The following ANGPTL3 variants were observed in gnomAD, a reference collection of about 807,000 sequenced individuals.
The protein encoded by ANGPTL3 is angiopoietin like 3.
In ANGPTL3, 51 loss-of-function variants were observed where a neutral mutation model predicts 52.7. The ratio of observed to expected loss-of-function variants is 0.97; its 90% CI spans 0.77 to 1.22. ANGPTL3 has a LOEUF of 1.22. ANGPTL3 is among the 50% of genes most tolerant of loss of function. The probability of loss-of-function intolerance (pLI) is 0.00; values close to 1 mark genes in which losing one functional copy is unlikely to be tolerated. For synonymous variants in ANGPTL3, 185 were observed against 179.8 expected (o/e 1.03, Z -0.23); for missense variants, 506 against 520.7 (o/e 0.97, Z 0.27).
In ANGPTL3 at chr1:62,604,856, C is replaced by T; in HGVS notation, c.*39C>T. On this transcript the variant is annotated 3_prime_UTR_variant, in exon 7 of 7. Coordinates refer to ENST00000371129, the MANE Select transcript of ANGPTL3 (RefSeq NM_014495.4). ...TAAAAGGCAATAATTTAAACATTAA[C>T]CTCATTCCAAGTTAATGTGGTCTAA... 2 of 1,570,990 alleles carry T rather than the reference C, an allele frequency of 1.3e-6. No homozygotes were observed. Among genetic ancestry groups the T allele is most frequent in the Non-Finnish European group, 1.7e-6 (2 of 1,152,606 alleles).
At chr1:62,601,263 T>C in intron 3 of ANGPTL3, 67 bp downstream of exon 3, 1 of 1,086,382 alleles carries the variant, frequency 9.2e-7, no homozygotes. Flanking sequence ...TTAGGACTTG[T>C]TCTAGACTAA....
intron 2 of ANGPTL3, 68 bp downstream of exon 2, chr1:62,598,874 T>C: frequency 1.1e-6 from 1 of 949,594 alleles, no homozygotes; most frequent in East Asian, 2.5e-5. Context: ...AATCCTAAAA[T>C]TATTTACAAG....
At position 62,601,043 on chromosome 1, in the gene ANGPTL3, A is replaced by G. The variant is rs780656849; in HGVS notation, c.607-39A>G. On this transcript the variant is annotated intron_variant, in intron 2 of 6. Transcript: ENST00000371129. ...TCAGATTTCCCCTAATTGTATATTC[A>G]GTATCATTTTAAAAAACAGATTTAT... 9 of 1,156,186 alleles carry G rather than the reference A, an allele frequency of 7.8e-6. No homozygotes were observed. In the African/African-American group the frequency reaches 1.1e-4, roughly 14 times the overall value. The allele number at this position is 1,156,186 out of a possible 1,614,324, so 71.6% of individuals were successfully genotyped here.
chr1:62,601,348 T>TA, intron 3 of ANGPTL3, 152 bp downstream of exon 3: 1 of 630,588 alleles, frequency 1.6e-6, no homozygotes, highest in Non-Finnish European at 2.9e-6. Flanking sequence ...TTACACCCTA[T>TA]AAAAGACATA....
intron 5 of ANGPTL3, among the ~76,000 whole-genome samples, chr1:62,602,663 A>G (rs910532359): frequency 2.6e-5 from 4 of 151,706 alleles, no homozygotes; most frequent in African/African-American, 9.7e-5. Context: ...TATTAAAGAC[A>G]ATTTTGATTA....
chr1:62,601,111 A>C lies in ANGPTL3; in HGVS notation c.636A>C (p.Thr212=), dbSNP rs150153780. The change falls in exon 3 of 7, where the codon ACA becomes ACC. Residue 212 remains threonine, a synonymous_variant. Coordinates refer to ENST00000371129, the MANE Select transcript of ANGPTL3 (RefSeq NM_014495.4). ...QLRRTSIQEP[T]EISLSSKPRA... ...GAAGGACTAGTATTCAAGAACCCAC[A>C]GAAATTTCTCTATCTTCCAAGCCAA... 50 of 1,607,832 alleles carry C rather than the reference A, an allele frequency of 3.1e-5. No individual in the cohort carries two copies. Among genetic ancestry groups the C allele is most frequent in the Non-Finnish European group, 4.2e-5 (49 of 1,174,996 alleles).
chr1:62,601,883 G>C lies in ANGPTL3; in HGVS notation c.835+1G>C, dbSNP rs191293319. 8.8e-6 allele frequency: 14 copies of C among 1,590,090 alleles called. No homozygotes were observed. The Admixed American group carries it at 1.5e-4, about 17-fold the overall frequency. Reference sequence around the variant, plus strand: ...CATGTCTACTGTGATGTTATATCAGGTAAAACCTGTCTAAGGAGAATAGAC... The same window carrying C: ...CATGTCTACTGTGATGTTATATCAGCTAAAACCTGTCTAAGGAGAATAGAC... On this transcript the variant is annotated splice_donor_variant, in intron 4 of 6. Transcript: ENST00000371129. LOFTEE classifies it high-confidence loss of function.
At position 62,597,993 on chromosome 1, in the gene ANGPTL3, G is replaced by C; in HGVS notation, c.427G>C (p.Glu143Gln). The C allele has an allele frequency of 6.4e-7, 1 of 1,567,644 alleles. No homozygotes were observed. The highest frequency in any genetic ancestry group is 1.2e-5 in the South Asian group (1 of 81,810). ...LLQQKVKYLE[E>Q]QLTNLIQNQP... ...TCAACAAAAAGTGAAATATTTAGAAGAGCAACTAACTAACTTAATTCAAAA... is the reference window on the plus strand; with the variant it reads ...TCAACAAAAAGTGAAATATTTAGAACAGCAACTAACTAACTTAATTCAAAA... The change falls in exon 1 of 7, where the codon GAG becomes CAG. Residue 143 changes from glutamate to glutamine, a missense_variant. Transcript: ENST00000371129.
chr1:62,598,116 A>C (rs1201413359), intron 1 of ANGPTL3, 55 bp downstream of exon 1: 1 of 1,472,374 alleles, frequency 6.8e-7, no homozygotes, highest in East Asian at 2.4e-5. Context: ...GATCTTTTAA[A>C]AAAAATATTT....
At chr1:62,601,571 T>A (rs1650126773) in intron 3 of ANGPTL3, among the ~76,000 whole-genome samples, 198 bp from the exon 4 acceptor site, 1 of 151,632 alleles carries the variant, frequency 6.6e-6, no homozygotes, top group African/African-American at 2.4e-5. Context: ...ATAATTAATT[T>A]TTTAAAAGAA....
At chr1:62,600,960 T>C in intron 2 of ANGPTL3, 122 bp from the exon 3 acceptor site, 1 of 674,374 alleles carries the variant, frequency 1.5e-6, no homozygotes, top group Non-Finnish European at 2.7e-6. Flanking sequence ...TATCTAAATA[T>C]CAAACACCGT....
intron 2 of ANGPTL3, among the ~76,000 whole-genome samples, chr1:62,600,378 T>C (rs568599714): frequency 3.3e-5 from 5 of 151,886 alleles, no homozygotes; most frequent in Admixed American, 6.6e-5. Context: ...AACTTTACAA[T>C]AGATCCTTTT....
Position 62,601,863 on chromosome 1 carries a change from C to G in ANGPTL3, c.816C>G (p.Val272=). 6.2e-7 allele frequency: 1 copy of G among 1,607,596 alleles called. No individual in the cohort carries two copies. Among genetic ancestry groups the G allele is most frequent in the African/African-American group, 1.3e-5 (1 of 74,782 alleles). Residue 272 remains valine (V), a synonymous_variant, in exon 4 of 7, where the codon GTC becomes GTG. Transcript: ENST00000371129. ...CCAGCAACTCTCAAGTTTTTCATGT[C>G]TACTGTGATGTTATATCAGGTAAAA... ...IRPSNSQVFH[V]YCDVISGSPW...
Position 62,597,549 on chromosome 1 carries a change from T to C in ANGPTL3, c.-18T>C, listed in dbSNP as rs2149524955. 1.2e-6 allele frequency: 2 copies of C among 1,612,030 alleles called. No individual in the cohort carries two copies. The highest frequency in any genetic ancestry group is 2.2e-5 in the East Asian group (1 of 44,812). On this transcript the variant is annotated 5_prime_UTR_variant, in exon 1 of 7. Coordinates refer to ENST00000371129, the MANE Select transcript of ANGPTL3 (RefSeq NM_014495.4). The stretch of plus-strand genomic sequence containing the variant: ...GAAAACAGTTCCACGTTGCTTGAAA[T>C]TGAAAATCAAGATAAAAATGTTCAC...
intron 5 of ANGPTL3, 121 bp from the exon 6 acceptor site, chr1:62,603,848 T>A: frequency 1.1e-6 from 1 of 906,216 alleles, no homozygotes; most frequent in Non-Finnish European, 1.7e-6. Flanking sequence ...TACACTAAAA[T>A]GATCAAGGGA....
intron 1 of ANGPTL3, among the ~76,000 whole-genome samples, chr1:62,598,340 T>C (rs1051507971): frequency 6.6e-6 from 1 of 152,018 alleles, no homozygotes; most frequent in African/African-American, 2.4e-5. Flanking sequence ...CATTACACTA[T>C]TGTAAATTAC....
rs1650896073 is a variant in ANGPTL3 at position 62,605,744 on chromosome 1, A to G, written c.*927A>G. 1 of 152,432 alleles carries G rather than the reference A, an allele frequency of 6.6e-6. No homozygotes were observed. Among genetic ancestry groups the G allele is most frequent in the Non-Finnish European group, 1.5e-5 (1 of 67,908 alleles). The allele number at this position is 152,432 out of a possible 1,614,324, so 9.4% of individuals were successfully genotyped here. On this transcript the variant is annotated 3_prime_UTR_variant, in exon 7 of 7. Coordinates refer to ENST00000371129, the MANE Select transcript of ANGPTL3 (RefSeq NM_014495.4). The stretch of plus-strand genomic sequence containing the variant: ...CGTTTAAACAGCCTGACAAGCATGT[A>G]TATATGTTTAAAATTCAATAAACAA...
At chr1:62,598,180 C>A in intron 1 of ANGPTL3, 119 bp downstream of exon 1, 3 of 995,088 alleles carry the variant, frequency 3.0e-6, no homozygotes, top group Non-Finnish European at 2.8e-6. Context: ...CTTTTTTTTC[C>A]AAGAAAAATA....
rs762097710 is a variant in ANGPTL3 at position 62,602,319 on chromosome 1, T to G, written c.870T>G (p.Asp290Glu). ...SPWTLIQHRI[D>E]GSQNFNETWE... ...GGACATTAATTCAACATCGAATAGA[T>G]GGATCACAAAACTTCAATGAAACGT... Residue 290 changes from aspartate (D) to glutamate (E), a missense_variant, in exon 5 of 7, where the codon GAT (aspartate) becomes GAG (glutamate). Asp to Glu is a conservative substitution (Grantham distance 45). Coordinates refer to ENST00000371129, the MANE Select transcript of ANGPTL3 (RefSeq NM_014495.4). 3 of 1,610,742 alleles carry G rather than the reference T, an allele frequency of 1.9e-6. No individual in the cohort carries two copies. In the African/African-American group the frequency reaches 4.0e-5, roughly 22 times the overall value.
Sources: allele counts gnomAD v4.1 joint callset (sites outside exome capture counted in the v4.1 genomes callset), GRCh38; gene constraint gnomAD v4.1.1; transcripts MANE v1.5; gene names NCBI Gene and HGNC (gene_info 2026-07-23, HGNC 2026-07-21).